Variants in CDH12 observed in about 807,000 individuals in gnomAD.
CDH12 encodes the protein cadherin 12.
A neutral mutation model predicts 74.1 loss-of-function variants in CDH12; 41 were observed. The observed-to-expected ratio is 0.55, with a 90% CI of 0.43 to 0.72. The LOEUF is 0.72. Ranked by LOEUF, CDH12 falls within the 30% of genes least tolerant of loss-of-function variation. CDH12 has a pLI of 0.00. For synonymous variants in CDH12, 399 were observed against 355.0 expected (o/e 1.12, Z -1.39); for missense variants, 945 against 977.2 (o/e 0.97, Z 0.44).
At chr5:22,599,655 T>C (rs889755839) in intron 1 of CDH12, among the ~76,000 whole-genome samples, 5 of 152,102 alleles carry the variant, frequency 3.3e-5, no homozygotes, top group African/African-American at 1.2e-4. Flanking sequence ...AATGGTATTA[T>C]ATGAAATATT....
At chr5:22,841,146 C>T (rs986136224) in intron 1 of CDH12, among the ~76,000 whole-genome samples, 4 of 152,124 alleles carry the variant, frequency 2.6e-5, no homozygotes, top group African/African-American at 9.7e-5. Context: ...CTTTGGAGAA[C>T]TAGAAGCAGT....
chr5:22,097,981 C>T (rs1561107053), intron 4 of CDH12, among the ~76,000 whole-genome samples: 1 of 152,184 alleles, frequency 6.6e-6, no homozygotes, highest in Non-Finnish European at 1.5e-5. Context: ...AAGATCTGTG[C>T]CTTATCAACC....
At chr5:22,037,807 A>C (rs1739289030) in intron 5 of CDH12, among the ~76,000 whole-genome samples, 1 of 152,178 alleles carries the variant, frequency 6.6e-6, no homozygotes, top group Non-Finnish European at 1.5e-5. Context: ...TTACATCAAA[A>C]GAGTAACAGG....
chr5:22,781,839 A>G (rs892660076), intron 1 of CDH12, among the ~76,000 whole-genome samples: 2 of 152,200 alleles, frequency 1.3e-5, no homozygotes, highest in Non-Finnish European at 2.9e-5. Flanking sequence ...GTTAGAAAAG[A>G]AATTGGTACT....
At chr5:22,759,347 G>A (rs1226822095) in intron 1 of CDH12, among the ~76,000 whole-genome samples, 1 of 152,056 alleles carries the variant, frequency 6.6e-6, no homozygotes, top group Non-Finnish European at 1.5e-5. Flanking sequence ...GTATTTTCCT[G>A]TCCTTATGCT....
chr5:22,185,398 C>T lies in CDH12; in HGVS notation c.-187+27100G>A, dbSNP rs143696338. Among the ~76,000 whole-genome samples, 1,122 of 152,096 alleles carry T rather than the reference C, an allele frequency of 7.4e-3. 11 individuals are homozygous for T. Among genetic ancestry groups the T allele is most frequent in the African/African-American group, 0.025 (1,037 of 41,476 alleles). On this transcript the variant is annotated intron_variant, in intron 4 of 14. Coordinates refer to ENST00000382254, the MANE Select transcript of CDH12 (RefSeq NM_004061.5). Reference sequence around the variant, plus strand: ...TATTTACAGTAGAGACAGGTTTCACCATGTTGGGCAGGCTGGTCTTTGATT... The same window carrying T: ...TATTTACAGTAGAGACAGGTTTCACTATGTTGGGCAGGCTGGTCTTTGATT...
chr5:22,711,483 AG>A (rs2126974659), intron 1 of CDH12, among the ~76,000 whole-genome samples: 1 of 152,228 alleles, frequency 6.6e-6, no homozygotes, highest in East Asian at 1.9e-4. Context: ...TAAGAAACAA[AG>A]GTCATCATTG....
chr5:22,501,858 G>T (rs1736167002), intron 2 of CDH12, among the ~76,000 whole-genome samples: 1 of 151,948 alleles, frequency 6.6e-6, no homozygotes, highest in Non-Finnish European at 1.5e-5. Flanking sequence ...TGGCTGAGCA[G>T]ATCTGCTGTT....
chr5:22,662,447 G>A (rs544234064), intron 1 of CDH12, among the ~76,000 whole-genome samples: 26 of 152,242 alleles, frequency 1.7e-4, no homozygotes, highest in Non-Finnish European at 2.9e-4. Context: ...TGCAGTCAAG[G>A]AGTCATACGG....
rs903768284 is a variant in CDH12 at position 22,773,391 on chromosome 5, C to T, written c.-523+79667G>A. Among the ~76,000 whole-genome samples the T allele has an allele frequency of 2.6e-5, 4 of 151,946 alleles. 1 individual carries two copies. The highest frequency in any genetic ancestry group is 2.0e-4 in the Admixed American group (3 of 15,214). On this transcript the variant is annotated intron_variant, in intron 1 of 14. Transcript: ENST00000382254. Reference sequence around the variant, plus strand: ...TGATCTTCAAAAAAGTTGTCAAAAACAAGTAAAGTGGGAAAAAACTCTATT... The same window carrying T: ...TGATCTTCAAAAAAGTTGTCAAAAATAAGTAAAGTGGGAAAAAACTCTATT...
At chr5:22,046,426 A>ATTTTTTTTTTTTTT (rs1739955012) in intron 5 of CDH12, among the ~76,000 whole-genome samples, 1 of 127,464 alleles carries the variant, frequency 7.8e-6, no homozygotes, top group African/African-American at 3.8e-5. Flanking sequence ...TGGTCATTTA[A>ATTTTTTTTTTTTTT]TTTCTTTTTT....
At chr5:22,634,444 T>A (rs997450580) in intron 1 of CDH12, among the ~76,000 whole-genome samples, 42 of 152,148 alleles carry the variant, frequency 2.8e-4, no homozygotes, top group Admixed American at 2.0e-3. Context: ...ATAGTGGTTA[T>A]ACTAATAAAG....
chr5:22,435,730 T>A (rs1195481147), intron 2 of CDH12, among the ~76,000 whole-genome samples: 1 of 152,008 alleles, frequency 6.6e-6, no homozygotes, highest in Non-Finnish European at 1.5e-5. Context: ...ATTCTGACTT[T>A]CCTAAACTGC....
intron 1 of CDH12, among the ~76,000 whole-genome samples, chr5:22,542,492 G>A (rs1303590813): frequency 2.0e-5 from 3 of 152,142 alleles, no homozygotes; most frequent in Non-Finnish European, 2.9e-5. Flanking sequence ...AGAGTACCCA[G>A]AAGTGGCTCT....
intron 1 of CDH12, among the ~76,000 whole-genome samples, chr5:22,613,106 A>G (rs1737496897): frequency 6.6e-6 from 1 of 152,078 alleles, no homozygotes; most frequent in Admixed American, 6.6e-5. Flanking sequence ...ACATCCATAA[A>G]ATCTACATGT....
chr5:21,994,626 G>A (rs1414692191), intron 5 of CDH12, among the ~76,000 whole-genome samples: 2 of 152,100 alleles, frequency 1.3e-5, no homozygotes, highest in African/African-American at 4.8e-5. Context: ...CAGTACAGCA[G>A]GTTTTGCTAC....
At chr5:22,209,037 A>G (rs1751386350) in intron 4 of CDH12, among the ~76,000 whole-genome samples, 1 of 152,166 alleles carries the variant, frequency 6.6e-6, no homozygotes, top group African/African-American at 2.4e-5. Flanking sequence ...CCTGTTATTT[A>G]CAGTATCTGG....
At chr5:21,848,882 TC>T (rs1561239801) in intron 7 of CDH12, among the ~76,000 whole-genome samples, 1 of 151,642 alleles carries the variant, frequency 6.6e-6, no homozygotes, top group African/African-American at 2.4e-5. Flanking sequence ...CCTGATGAGC[TC>T]CCCCTACTAG....
intron 3 of CDH12, among the ~76,000 whole-genome samples, chr5:22,402,059 C>T (rs1240860409): frequency 1.3e-5 from 2 of 152,152 alleles, no homozygotes; most frequent in African/African-American, 4.8e-5. Flanking sequence ...TTAAATCACC[C>T]AATGTGTGGC....
Sources: allele counts gnomAD v4.1 joint callset (sites outside exome capture counted in the v4.1 genomes callset), GRCh38; gene constraint gnomAD v4.1.1; transcripts MANE v1.5; gene names NCBI Gene and HGNC (gene_info 2026-07-23, HGNC 2026-07-21).